Variants in COBL observed in about 807,000 individuals in gnomAD.
COBL encodes the protein protein cordon-bleu.
In COBL, 51 loss-of-function variants were observed where a neutral mutation model predicts 98.8. The ratio of observed to expected loss-of-function variants is 0.52; its 90% confidence interval spans 0.41 to 0.65. The LOEUF (loss-of-function observed/expected upper bound fraction) is 0.65. Among genes scored for constraint, COBL ranks in the 30% least tolerant of loss-of-function variants. The pLI, the probability that COBL is intolerant of heterozygous loss-of-function variation, is 0.00. For missense variants in COBL, 1,617 were observed against 1,617.5 expected (o/e 1.00, Z 0.01); for synonymous variants, 634 against 651.7 (o/e 0.97, Z 0.41).
chr7:51,127,718 G>A (rs1201754912), intron 6 of COBL, among the ~76,000 whole-genome samples: 5 of 152,172 alleles, frequency 3.3e-5, no homozygotes, highest in Non-Finnish European at 7.4e-5. Flanking sequence ...TGGCCTGAAG[G>A]CTGGGTGTGT....
intron 1 of COBL, among the ~76,000 whole-genome samples, chr7:51,306,054 GC>G (rs1268718714): frequency 1.3e-5 from 2 of 151,890 alleles, no homozygotes; most frequent in Non-Finnish European, 2.9e-5. Context: ...GGGGGTGGGG[GC>G]AAACATTGTA....
chr7:51,274,531 T>C (rs1287087607), intron 1 of COBL, among the ~76,000 whole-genome samples: 1 of 152,230 alleles, frequency 6.6e-6, no homozygotes, highest in African/African-American at 2.4e-5. Context: ...CCCCACAGAA[T>C]GGATGTCTGG....
At chr7:51,032,873 T>C (rs1475834338) in intron 8 of COBL, 1 of 152,074 alleles carries the variant, frequency 6.6e-6, no homozygotes, top group East Asian at 1.9e-4. Flanking sequence ...AAAAGAGCAA[T>C]CTGAAATGGA....
At chr7:51,297,478 G>A (rs904001183) in intron 1 of COBL, among the ~76,000 whole-genome samples, 7 of 140,750 alleles carry the variant, frequency 5.0e-5, no homozygotes, top group African/African-American at 1.3e-4. Context: ...TGCAACCTCC[G>A]TCTCCCGGGT....
chr7:51,316,530 G>C (rs2129227833), intron 1 of COBL, 63 bp downstream of exon 1: 2 of 1,161,362 alleles, frequency 1.7e-6, no homozygotes, highest in South Asian at 7.5e-5. Context: ...GCGCGGTGCG[G>C]ACGCGGGCGT....
At position 51,103,140 on chromosome 7, in the gene COBL, C is replaced by T. The variant is rs996992294; in HGVS notation, c.958-17836G>A. 2.6e-5 allele frequency among the ~76,000 whole-genome samples: 4 copies of T among 152,214 alleles called. No homozygotes were observed. The South Asian group carries it at 6.2e-4, about 24-fold the overall frequency. On this transcript the variant is annotated intron_variant, in intron 6 of 12. Coordinates refer to ENST00000265136, the MANE Select transcript of COBL (RefSeq NM_015198.5). ...TTTCAGAAAGGCTATTAGTTTAAGTCATCAGCAGCCCCTATCCCCCATTCA... is the reference window on the plus strand; with the variant it reads ...TTTCAGAAAGGCTATTAGTTTAAGTTATCAGCAGCCCCTATCCCCCATTCA...
intron 8 of COBL, 98 bp downstream of exon 8, chr7:51,043,285 T>A (rs566154215): frequency 8.2e-7 from 1 of 1,221,718 alleles, no homozygotes; most frequent in Non-Finnish European, 1.2e-6. Flanking sequence ...GCAGAGCAGG[T>A]TGTGATAGCA....
At chr7:51,233,193 T>C (rs967392391) in intron 1 of COBL, among the ~76,000 whole-genome samples, 1 of 152,242 alleles carries the variant, frequency 6.6e-6, no homozygotes, top group African/African-American at 2.4e-5. Flanking sequence ...AGAAAACACC[T>C]TGGTTTTCCA....
intron 6 of COBL, among the ~76,000 whole-genome samples, chr7:51,110,360 A>T: frequency 6.6e-6 from 1 of 151,836 alleles, no homozygotes; most frequent in Non-Finnish European, 1.5e-5. Flanking sequence ...AACCTGCATT[A>T]TTTCTCCTTC....
intron 1 of COBL, among the ~76,000 whole-genome samples, chr7:51,255,701 G>T (rs1473848119): frequency 6.6e-6 from 1 of 152,222 alleles, no homozygotes; most frequent in Non-Finnish European, 1.5e-5. Context: ...TTAGGGTAGA[G>T]AGCAGAGACT....
intron 1 of COBL, among the ~76,000 whole-genome samples, chr7:51,261,693 G>C (rs972510438): frequency 6.6e-6 from 1 of 152,290 alleles, no homozygotes; most frequent in African/African-American, 2.4e-5. Flanking sequence ...GGGGCCAGGC[G>C]CGGTGGCTCA....
intron 6 of COBL, among the ~76,000 whole-genome samples, chr7:51,103,788 C>T (rs567206863): frequency 6.6e-6 from 1 of 152,318 alleles, no homozygotes; most frequent in African/African-American, 2.4e-5. Context: ...GCATCTCATC[C>T]ATGGAGAATC....
chr7:51,228,420 G>A (rs866482274), intron 1 of COBL, among the ~76,000 whole-genome samples: 20 of 151,508 alleles, frequency 1.3e-4, no homozygotes, highest in African/African-American at 4.9e-4. Flanking sequence ...AAAGAAGCAG[G>A]CCTCTTGTCT....
intron 7 of COBL, chr7:51,064,641 T>C (rs765571402): frequency 1.3e-5 from 2 of 152,628 alleles, no homozygotes; most frequent in Non-Finnish European, 2.9e-5. Flanking sequence ...GTTCAGTGAG[T>C]AGAGTATCAG....
rs142847934 is a variant in COBL at position 51,159,225 on chromosome 7, C to T, written c.784-22894G>A. On this transcript the variant is annotated intron_variant, in intron 5 of 12. Transcript: ENST00000265136. ...GGAGGTGGGGAGGAGGCTTTGGAGACCACAGGTGCTGGGAAGTGGAGCCGC... is the reference window on the plus strand; with the variant it reads ...GGAGGTGGGGAGGAGGCTTTGGAGATCACAGGTGCTGGGAAGTGGAGCCGC... Among the ~76,000 whole-genome samples, 247 of 152,238 alleles carry T rather than the reference C, an allele frequency of 1.6e-3. 1 individual carries two copies. The highest frequency in any genetic ancestry group is 5.6e-3 in the African/African-American group (231 of 41,566).
intron 2 of COBL, among the ~76,000 whole-genome samples, chr7:51,204,424 T>G (rs1166978067): frequency 6.6e-6 from 1 of 152,016 alleles, no homozygotes; most frequent in Non-Finnish European, 1.5e-5. Context: ...TAACTGAAAT[T>G]ATCCCGGGTT....
rs569239511 is a variant in COBL, at chr7:51,266,776, T to C, written c.42-46832A>G. On this transcript the variant is annotated intron_variant, in intron 1 of 12. Coordinates refer to ENST00000265136, the MANE Select transcript of COBL (RefSeq NM_015198.5). ...ACACACAGTTTTTTTCCACATGTTT[T>C]TTGAGTGCTATGGACACCTAGACCA... Among the ~76,000 whole-genome samples the C allele has an allele frequency of 2.6e-5, 4 of 152,272 alleles. No individual in the cohort carries two copies. In the South Asian group the frequency reaches 8.3e-4, roughly 32 times the overall value.
At chr7:51,076,253 T>C (rs968455715) in intron 7 of COBL, among the ~76,000 whole-genome samples, 1 of 152,222 alleles carries the variant, frequency 6.6e-6, no homozygotes, top group African/African-American at 2.4e-5. Flanking sequence ...GAAAAGTACT[T>C]AGTTTGGGCT....
chr7:51,219,148 G>C (rs1251902986), intron 2 of COBL, among the ~76,000 whole-genome samples: 1 of 152,238 alleles, frequency 6.6e-6, no homozygotes, highest in South Asian at 2.1e-4. Flanking sequence ...AGTGCAGTGA[G>C]ACACTCAGCC....
Sources: gnomAD v4.1 joint callset for allele counts (sites outside exome capture counted in the v4.1 genomes callset) on GRCh38, gnomAD v4.1.1 for gene constraint, MANE v1.5 for transcripts, NCBI Gene and HGNC (gene_info 2026-07-23, HGNC 2026-07-21) for gene names.